The following ANKIB1 variants were observed in gnomAD, a reference collection of about 807,000 sequenced individuals.
ANKIB1 encodes ankyrin repeat and IBR domain-containing protein 1.
In ANKIB1, 43 loss-of-function variants were observed where a neutral mutation model predicts 122.1. The ratio of observed to expected loss-of-function variants is 0.35; its 90% CI spans 0.28 to 0.45. ANKIB1 has a LOEUF of 0.45. ANKIB1 is among the 20% of genes least tolerant of loss of function. ANKIB1 has a pLI of 1.00. For missense variants in ANKIB1, 992 were observed against 1,329.5 expected (o/e 0.75, Z 3.95); for synonymous variants, 390 against 442.0 (o/e 0.88, Z 1.48).
chr7:92,318,774 T>C (rs1802843907), intron 3 of ANKIB1, among the ~76,000 whole-genome samples: 1 of 152,200 alleles, frequency 6.6e-6, no homozygotes, highest in Non-Finnish European at 1.5e-5. Flanking sequence ...CTTCCCAATA[T>C]GGCTATCAGT....
intron 11 of ANKIB1, among the ~76,000 whole-genome samples, chr7:92,381,190 A>G (rs535858982): frequency 6.6e-6 from 1 of 152,254 alleles, no homozygotes; most frequent in East Asian, 1.9e-4. Context: ...AAGTTGGGAG[A>G]AAAAAGAGTA....
chr7:92,378,742 G>C (rs1023857373), intron 11 of ANKIB1, among the ~76,000 whole-genome samples: 1 of 152,102 alleles, frequency 6.6e-6, no homozygotes, highest in African/African-American at 2.4e-5. Flanking sequence ...TCAGAAATGA[G>C]ATAAAATTAT....
chr7:92,397,679 T>C, intron 18 of ANKIB1, 44 bp from the exon 19 acceptor site: 1 of 1,602,710 alleles, frequency 6.2e-7, no homozygotes, highest in South Asian at 1.1e-5. Flanking sequence ...AAATAAGTCT[T>C]ATTTGTCACT....
At chr7:92,397,452 C>G (rs1331149190) in intron 18 of ANKIB1, among the ~76,000 whole-genome samples, 1 of 150,578 alleles carries the variant, frequency 6.6e-6, no homozygotes, top group African/African-American at 2.4e-5. Context: ...CGCCACTGCA[C>G]TCCAGCTAGG....
At position 92,246,301 on chromosome 7, in the gene ANKIB1, A is replaced by G. The variant is rs1403039651; in HGVS notation, c.-309A>G. ...GCCTCGCCGCGGGCGCCTTCGGCTC[A>G]CGCAGCGCTTCCCGCGGGCCGCCAG... On this transcript the variant is annotated 5_prime_UTR_variant, in exon 1 of 20. Coordinates refer to ENST00000265742, the MANE Select transcript of ANKIB1 (RefSeq NM_019004.2). 1.5e-5 allele frequency: 6 copies of G among 409,886 alleles called. No individual in the cohort carries two copies. The highest frequency in any genetic ancestry group is 2.9e-5 in the Non-Finnish European group (6 of 209,490). 25.4% of individuals were successfully genotyped at this position (409,886 alleles called of 1,614,324 possible).
chr7:92,252,386 CT>C lies in ANKIB1; in HGVS notation c.-91+5885del, dbSNP rs34891046. 5.7e-3 allele frequency among the ~76,000 whole-genome samples: 769 copies of C among 134,166 alleles called. 2 individuals carry two copies. The highest frequency in any genetic ancestry group is 7.5e-3 in the Non-Finnish European group (474 of 62,818). 88.0% of individuals were successfully genotyped at this position (134,166 alleles called of 152,430 possible). ...GTTGGTATTATGTCATAAGGTACTACTTTTTTTTTTTTTTTTTTGAGACAGA... is the reference window on the plus strand; with the variant it reads ...GTTGGTATTATGTCATAAGGTACTACTTTTTTTTTTTTTTTTTGAGACAGA... On this transcript the variant is annotated intron_variant, in intron 1 of 19. Transcript: ENST00000265742.
chr7:92,321,297 A>G lies in ANKIB1; in HGVS notation c.669+1785A>G, dbSNP rs369862478. On this transcript the variant is annotated intron_variant, in intron 4 of 19. Transcript: ENST00000265742. ...GAAATGTACTCTTATTTTGAAATAT[A>G]CAATACATTATTATTGGCTAAAGTC... 3.2e-4 allele frequency among the ~76,000 whole-genome samples: 49 copies of G among 152,322 alleles called. 1 individual carries two copies. Among genetic ancestry groups the G allele is most frequent in the African/African-American group, 9.9e-4 (41 of 41,578 alleles).
At chr7:92,276,873 A>G (rs1801916364) in intron 1 of ANKIB1, among the ~76,000 whole-genome samples, 1 of 152,156 alleles carries the variant, frequency 6.6e-6, no homozygotes, top group South Asian at 2.1e-4. Context: ...GTCTCTACCA[A>G]ATCTCTTGTT....
At chr7:92,386,761 T>A in intron 12 of ANKIB1, 118 bp downstream of exon 12, 1 of 989,964 alleles carries the variant, frequency 1.0e-6, no homozygotes, top group Non-Finnish European at 1.3e-6. Flanking sequence ...TATACTTTAT[T>A]ATAGCCTTTA....
At position 92,371,506 on chromosome 7, in the gene ANKIB1, G is replaced by T. The variant is rs1188018004; in HGVS notation, c.1516G>T (p.Ala506Ser). 6.2e-7 allele frequency: 1 copy of T among 1,606,626 alleles called. No homozygotes were observed. The highest frequency in any genetic ancestry group is 8.5e-7 in the Non-Finnish European group (1 of 1,176,242). ...GGGAGTTAGTGAAGCCTACGAGGATGCCGCCAATTGTCTCTGGTTATTAAC... is the reference window on the plus strand; with the variant it reads ...GGGAGTTAGTGAAGCCTACGAGGATTCCGCCAATTGTCTCTGGTTATTAAC... ...LVGVSEAYED[A>S]ANCLWLLTNS... Residue 506 changes from alanine (A) to serine (S), a missense_variant, in exon 11 of 20, where the codon GCC becomes TCC. Around this residue, in one of 4 missense-constraint regions of ANKIB1, gnomAD observed 521 missense variants for 777.7 expected, o/e 0.67. Transcript: ENST00000265742.
At chr7:92,374,893 G>A (rs1804348270) in intron 11 of ANKIB1, among the ~76,000 whole-genome samples, 1 of 151,804 alleles carries the variant, frequency 6.6e-6, no homozygotes, top group Non-Finnish European at 1.5e-5. Flanking sequence ...AAAAAATGAA[G>A]GTGAGGGAGT....
chr7:92,364,585 A>T (rs1804029645), intron 10 of ANKIB1, among the ~76,000 whole-genome samples: 1 of 152,136 alleles, frequency 6.6e-6, no homozygotes, highest in African/African-American at 2.4e-5. Context: ...TTGGCCACCT[A>T]CCTGCATTTC....
intron 1 of ANKIB1, among the ~76,000 whole-genome samples, chr7:92,280,051 C>A (rs1351443628): frequency 1.3e-5 from 2 of 152,196 alleles, no homozygotes; most frequent in Non-Finnish European, 2.9e-5. Flanking sequence ...AGGCAAAAAT[C>A]ATCAGCTATG....
chr7:92,297,332 A>G lies in ANKIB1; in HGVS notation c.188+2166A>G, dbSNP rs371954510. ...AGGGCTGCCTGTCACTTATTAGCAA[A>G]GCAAATTACTTTGTCACTCTGGACT... On this transcript the variant is annotated intron_variant, in intron 2 of 19. Transcript: ENST00000265742. 3.2e-4 allele frequency among the ~76,000 whole-genome samples: 48 copies of G among 152,342 alleles called. 1 individual carries two copies. Among genetic ancestry groups the G allele is most frequent in the African/African-American group, 9.9e-4 (41 of 41,588 alleles).
chr7:92,304,684 A>G (rs778793067), intron 2 of ANKIB1, among the ~76,000 whole-genome samples: 2 of 152,180 alleles, frequency 1.3e-5, no homozygotes, highest in East Asian at 1.9e-4. Context: ...TTTTTTGTCA[A>G]TCATGCCTTG....
chr7:92,398,868 C>T lies in ANKIB1; in HGVS notation c.3189C>T (p.Ala1063=), dbSNP rs752772467. The T allele has an allele frequency of 2.9e-5, 47 of 1,605,714 alleles. No homozygotes were observed. Among genetic ancestry groups the T allele is most frequent in the Non-Finnish European group, 2.6e-5 (30 of 1,175,968 alleles). ...SQAGDSGNEA[A]NRGDGSDVSS... ...CTGGTGACAGTGGTAACGAGGCAGC[C>T]AACAGAGGAGATGGTTCAGATGTTT... is the stretch of plus-strand genomic sequence containing the variant. Residue 1063 remains alanine (A), a synonymous_variant, in exon 20 of 20, where the codon GCC becomes GCT. Coordinates refer to ENST00000265742, the MANE Select transcript of ANKIB1 (RefSeq NM_019004.2).
chr7:92,288,880 A>G (rs1802192103), intron 1 of ANKIB1, among the ~76,000 whole-genome samples: 1 of 152,184 alleles, frequency 6.6e-6, no homozygotes, highest in South Asian at 2.1e-4. Flanking sequence ...CTAGAAACTG[A>G]CAATTCCAAT....
intron 9 of ANKIB1, among the ~76,000 whole-genome samples, chr7:92,359,233 C>G (rs1343291359): frequency 6.6e-6 from 1 of 152,182 alleles, no homozygotes; most frequent in Non-Finnish European, 1.5e-5. Flanking sequence ...CCCCCCATCC[C>G]CCAACAGGCC....
At chr7:92,349,257 A>G (rs1167023773) in intron 7 of ANKIB1, among the ~76,000 whole-genome samples, 1 of 152,186 alleles carries the variant, frequency 6.6e-6, no homozygotes, top group Non-Finnish European at 1.5e-5. Context: ...AGTGAGTGGG[A>G]AGAAAGGAAA....
Sources: gnomAD v4.1 joint callset for allele counts (sites outside exome capture counted in the v4.1 genomes callset) on GRCh38, gnomAD v4.1.1 for gene constraint, gnomAD v4.1.1 regional missense constraint, MANE v1.5 for transcripts, NCBI Gene and HGNC (gene_info 2026-07-23, HGNC 2026-07-21) for gene names.